The following BAP1 variants were observed in gnomAD, a reference collection of about 807,000 sequenced individuals.
The protein encoded by BAP1 is BRCA1 associated deubiquitinase 1.
A neutral mutation model predicts 77.2 loss-of-function variants in BAP1; 16 were observed. That is an observed-to-expected ratio of 0.21 (90% CI 0.14 to 0.31). The LOEUF (loss-of-function observed/expected upper bound fraction) is 0.31, where lower values mean the gene tolerates loss of function less well. Ranked by LOEUF, BAP1 falls within the 10% of genes least tolerant of loss-of-function variation. The probability of loss-of-function intolerance (pLI) is 1.00; values close to 1 mark genes in which losing one functional copy is unlikely to be tolerated. For synonymous variants in BAP1, 362 were observed against 385.2 expected, an observed-to-expected ratio of 0.94 and a Z score of 0.71; for missense variants, 699 against 967.3, an observed-to-expected ratio of 0.72 and a Z score of 3.68.
chr3:52,409,997 G>A lies in BAP1; in HGVS notation c.-119C>T, dbSNP rs1189697187. ...GTCCCACACACAGACAACGGGCCCA[G>A]TCGCGTCACCCGCCCGCGCCGGCGG... On this transcript the variant is annotated 5_prime_UTR_variant, in exon 1 of 17. Coordinates refer to ENST00000460680, the MANE Select transcript of BAP1 (RefSeq NM_004656.4). 1 of 1,441,508 alleles carries A rather than the reference G, an allele frequency of 6.9e-7. No homozygotes were observed. The highest frequency in any genetic ancestry group is 9.4e-7 in the Non-Finnish European group (1 of 1,068,690). 89.3% of individuals were successfully genotyped at this position (1,441,508 alleles called of 1,614,324 possible).
Position 52,404,476 on chromosome 3 carries a change from C to T in BAP1, c.1227G>A (p.Val409=), listed in dbSNP as rs201203425. 2 of 1,614,120 alleles carry T rather than the reference C, an allele frequency of 1.2e-6. No homozygotes were observed. Among genetic ancestry groups the T allele is most frequent in the East Asian group, 4.5e-5 (2 of 44,900 alleles). The change falls in exon 12 of 17, where the codon GTG becomes GTA. Residue 409 remains valine (V), a synonymous_variant. Transcript: ENST00000460680. The part of the protein sequence containing the change: ...DDYEDDEEDD[V]QNTNSALRYK... ...ACCTAAGGGCAGAGTTGGTGTTCTG[C>T]ACGTCATCCTCCTCGTCATCCTCAT...
chr3:52,403,170 C>T lies in BAP1; in HGVS notation c.1858G>A (p.Glu620Lys), dbSNP rs758585834. 14 of 1,613,916 alleles carry T rather than the reference C, an allele frequency of 8.7e-6. No individual in the cohort carries two copies. Among genetic ancestry groups the T allele is most frequent in the Admixed American group, 3.3e-5 (2 of 60,008 alleles). Residue 620 changes from glutamate to lysine, a missense_variant, in exon 14 of 17, where the codon GAG becomes AAG. Coordinates refer to ENST00000460680, the MANE Select transcript of BAP1 (RefSeq NM_004656.4). The surrounding 1 kb of genome is among the most constrained non-coding windows in gnomAD (Gnocchi z 4.0). ...REKTGMVRPGEPLSGEKYSPK... is the reference protein window; with the variant it reads ...REKTGMVRPGKPLSGEKYSPK... ...GAGTATTTCTCCCCACTCAAGGGCTCGCCAGGCCTCACCATCCCCGTCTTC... is the reference window on the plus strand; with the variant it reads ...GAGTATTTCTCCCCACTCAAGGGCTTGCCAGGCCTCACCATCCCCGTCTTC...
At chr3:52,407,883 G>A in intron 5 of BAP1, 75 bp downstream of exon 5, 2 of 1,602,462 alleles carry the variant, frequency 1.2e-6, no homozygotes, top group Non-Finnish European at 1.7e-6. Context: ...ATATCATGTG[G>A]TAGCATTCCC....
At chr3:52,404,797 G>C (rs983694005) in intron 11 of BAP1, among the ~76,000 whole-genome samples, 4 of 152,186 alleles carry the variant, frequency 2.6e-5, no homozygotes, top group Non-Finnish European at 5.9e-5. Flanking sequence ...GAGAAACAGA[G>C]TGCCCTGAAA....
In BAP1 at chr3:52,402,429, G is replaced by A. The variant is rs2153226123; in HGVS notation, c.2057-8C>T. On this transcript the variant is annotated splice_polypyrimidine_tract_variant and splice_region_variant and intron_variant, in intron 16 of 16. Transcript: ENST00000460680. This position sits in a 1 kb window ranked among gnomAD's most constrained non-coding sequence, Gnocchi z 5.3. Reference sequence around the variant, plus strand: ...CTAGGTTGGCCAGCATGCCTGCGAAGAGGTAGAGACCCTTGAGCAGGTGCT... The same window carrying A: ...CTAGGTTGGCCAGCATGCCTGCGAAAAGGTAGAGACCCTTGAGCAGGTGCT... The A allele has an allele frequency of 6.4e-7, 1 of 1,568,526 alleles. No individual in the cohort carries two copies.
rs773379358 is a variant in BAP1 at position 52,405,153 on chromosome 3, G to A, written c.1073C>T (p.Pro358Leu). The change falls in exon 11 of 17, where the codon CCG (proline) becomes CTG (leucine). Residue 358 changes from proline (P) to leucine (L), a missense_variant. Coordinates refer to ENST00000460680, the MANE Select transcript of BAP1 (RefSeq NM_004656.4). ...ATAATTGTGATTGTCTAGAAAGGCC[G>A]GCAGCCGCTGGACAATGGGAGTGGG... Reference protein sequence around the residue: ...PNPTPIVQRLPAFLDNHNYAK... With the variant: ...PNPTPIVQRLLAFLDNHNYAK... 10 of 1,614,000 alleles carry A rather than the reference G, an allele frequency of 6.2e-6. No individual in the cohort carries two copies. The highest frequency in any genetic ancestry group is 5.3e-5 in the African/African-American group (4 of 74,932).
rs1705167866 is a variant in BAP1, at chr3:52,406,614, C to T, written c.659+215G>A. The T allele has an allele frequency of 2.3e-6, 2 of 860,470 alleles. No homozygotes were observed. Among genetic ancestry groups the T allele is most frequent in the Admixed American group, 2.2e-5 (1 of 45,814 alleles). The allele number at this position is 860,470 out of a possible 1,614,324, so 53.3% of individuals were successfully genotyped here. A position where few individuals can be genotyped will look rare whatever the true frequency, so the allele number is the denominator to read the frequency against. ...AGCAGACCTGGGCTGCCTAAGGCTC[C>T]ACTGAGGCCTGCCCCTCCCCCAGCC... On this transcript the variant is annotated intron_variant, in intron 8 of 16. Transcript: ENST00000460680. The surrounding 1 kb of genome is among the most constrained non-coding windows in gnomAD (Gnocchi z 4.6).
chr3:52,403,405 C>T lies in BAP1; in HGVS notation c.1729+11G>A, dbSNP rs1559586367. The T allele has an allele frequency of 6.2e-7, 1 of 1,613,536 alleles. No individual in the cohort carries two copies. The highest frequency in any genetic ancestry group is 2.2e-5 in the East Asian group (1 of 44,888). Reference sequence around the variant, plus strand: ...TGCACCAAGTGGCCAGTGAGCCAGTCCAAGGCCCACCTGTCAGCGCCAGGG... The same window carrying T: ...TGCACCAAGTGGCCAGTGAGCCAGTTCAAGGCCCACCTGTCAGCGCCAGGG... On this transcript the variant is annotated intron_variant, in intron 13 of 16. Coordinates refer to ENST00000460680, the MANE Select transcript of BAP1 (RefSeq NM_004656.4). The surrounding 1 kb of genome is among the most constrained non-coding windows in gnomAD (Gnocchi z 4.0).
Position 52,401,954 on chromosome 3 carries a change from G to C in BAP1, c.*334C>G, listed in dbSNP as rs927507180. 2.4e-5 allele frequency: 11 copies of C among 452,172 alleles called. No homozygotes were observed. The highest frequency in any genetic ancestry group is 1.9e-4 in the African/African-American group (10 of 51,676). 28.0% of individuals were successfully genotyped at this position (452,172 alleles called of 1,614,324 possible). A position where few individuals can be genotyped will look rare whatever the true frequency, so the allele number is the denominator to read the frequency against. On this transcript the variant is annotated 3_prime_UTR_variant, in exon 17 of 17. Transcript: ENST00000460680. ...TGGTGGCATGTTGGGTTGGAGCCCA[G>C]AAAAATAGATGTCTCTGATAGGTAA...
Position 52,406,706 on chromosome 3 carries a change from A to G in BAP1, c.659+123T>C, listed in dbSNP as rs1320729304. 2 of 1,197,174 alleles carry G rather than the reference A, an allele frequency of 1.7e-6. No individual in the cohort carries two copies. 74.2% of individuals were successfully genotyped at this position (1,197,174 alleles called of 1,614,324 possible). A position where few individuals can be genotyped will look rare whatever the true frequency, so the allele number is the denominator to read the frequency against. ...ACAACAAGTTGAGAACCCATGATCT[A>G]AGCCTGATCTTGCCAGATTCACCAT... On this transcript the variant is annotated intron_variant, in intron 8 of 16. Coordinates refer to ENST00000460680, the MANE Select transcript of BAP1 (RefSeq NM_004656.4). This position sits in a 1 kb window ranked among gnomAD's most constrained non-coding sequence, Gnocchi z 4.6.
At position 52,401,123 on chromosome 3, in the gene BAP1, C is replaced by T. The variant is rs993193505; in HGVS notation, c.*1165G>A. ...CAGCTGCCACACTTGCCAGCACCCC[C>T]CACTCAGTCACTATGTACAGATAAA... On this transcript the variant is annotated 3_prime_UTR_variant, in exon 17 of 17. Transcript: ENST00000460680. 1.0e-4 allele frequency: 24 copies of T among 232,746 alleles called. No homozygotes were observed. Among genetic ancestry groups the T allele is most frequent in the African/African-American group, 5.1e-4 (23 of 45,422 alleles). 14.4% of individuals were successfully genotyped at this position (232,746 alleles called of 1,614,324 possible).
In BAP1 at chr3:52,405,722, G is replaced by C. The variant is rs191936598; in HGVS notation, c.931+43C>G. The C allele has an allele frequency of 1.9e-6, 3 of 1,610,628 alleles. No homozygotes were observed. The South Asian group carries it at 3.3e-5, about 18-fold the overall frequency. On this transcript the variant is annotated intron_variant, in intron 10 of 16. Coordinates refer to ENST00000460680, the MANE Select transcript of BAP1 (RefSeq NM_004656.4). ...TAGGCCTCCCATGTCAGACATTAGC[G>C]GGTGGCTCTGAGGTCCACAAGAGGT...
rs2153226382 is a variant in BAP1, at chr3:52,402,933, A to G, written c.1891-62T>C. ...GGCCAGCAACAAAGCCCCACGAGCA[A>G]TAGGCAGCTAGAGGCAAGGATGAGC... On this transcript the variant is annotated intron_variant, in intron 14 of 16. Transcript: ENST00000460680. The surrounding 1 kb of genome is among the most constrained non-coding windows in gnomAD (Gnocchi z 5.3). 1 of 1,612,096 alleles carries G rather than the reference A, an allele frequency of 6.2e-7. No individual in the cohort carries two copies. The highest frequency in any genetic ancestry group is 8.5e-7 in the Non-Finnish European group (1 of 1,179,996).
In BAP1 at chr3:52,403,497, C is replaced by T. The variant is rs2153226617; in HGVS notation, c.1648G>A (p.Val550Ile). 3.1e-6 allele frequency: 5 copies of T among 1,614,052 alleles called. No individual in the cohort carries two copies. Among genetic ancestry groups the T allele is most frequent in the Non-Finnish European group, 4.2e-6 (5 of 1,179,984 alleles). The change falls in exon 13 of 17, where the codon GTC becomes ATC. Residue 550 changes from valine (V) to isoleucine (I), a missense_variant. Coordinates refer to ENST00000460680, the MANE Select transcript of BAP1 (RefSeq NM_004656.4). This position sits in a 1 kb window ranked among gnomAD's most constrained non-coding sequence, Gnocchi z 4.0. ...CTGATGACAGGACCCAGATCACGGA[C>T]AGCACGGTTGTAGCGTATGCAGTCA... ...RVDCIRYNRAVRDLGPVISTG... is the reference protein window; with the variant it reads ...RVDCIRYNRAIRDLGPVISTG...
chr3:52,401,971 G>A lies in BAP1; in HGVS notation c.*317C>T. ...GGAGCCCAGAAAAATAGATGTCTCT[G>A]ATAGGTAAAATATATATTCTGCTGC... On this transcript the variant is annotated 3_prime_UTR_variant, in exon 17 of 17. Transcript: ENST00000460680. 1 of 493,710 alleles carries A rather than the reference G, an allele frequency of 2.0e-6. No individual in the cohort carries two copies. The highest frequency in any genetic ancestry group is 3.7e-6 in the Non-Finnish European group (1 of 273,436). 30.6% of individuals were successfully genotyped at this position (493,710 alleles called of 1,614,324 possible).
chr3:52,401,108 ACTTGCCAGCACCC>A lies in BAP1; in HGVS notation c.*1167_*1179del. 1 of 232,296 alleles carries A rather than the reference ACTTGCCAGCACCC, an allele frequency of 4.3e-6. No homozygotes were observed. The highest frequency in any genetic ancestry group is 8.5e-6 in the Non-Finnish European group (1 of 117,572). 14.4% of individuals were successfully genotyped at this position (232,296 alleles called of 1,614,324 possible). A position where few individuals can be genotyped will look rare whatever the true frequency, so the allele number is the denominator to read the frequency against. On this transcript the variant is annotated 3_prime_UTR_variant, in exon 17 of 17. Coordinates refer to ENST00000460680, the MANE Select transcript of BAP1 (RefSeq NM_004656.4). ...TGCTCAGCCCAGAGGCAGCTGCCAC[ACTTGCCAGCACCC>A]CCCACTCAGTCACTATGTACAGATA...
rs758996824 is a variant in BAP1 at position 52,403,787 on chromosome 3, T to C, written c.1358A>G (p.Lys453Arg). The C allele has an allele frequency of 1.1e-5, 18 of 1,613,940 alleles. No homozygotes were observed. The highest frequency in any genetic ancestry group is 3.3e-5 in the Admixed American group (2 of 60,002). ...NTINVLAEKL[K>R]ESQKDLSIPL... is the part of the protein sequence containing the mutation. ...AATTGAGAGGTCCTTCTGGGACTCT[T>C]TGAGCTTCTCAGCCAAGACGTTGAT... Residue 453 changes from lysine to arginine, a missense_variant, in exon 13 of 17, where the codon AAA becomes AGA. Lys to Arg is a conservative substitution (Grantham distance 26). This residue lies in a region of BAP1 where 475 missense variants were observed against 532.4 expected (regional missense o/e 0.89). Coordinates refer to ENST00000460680, the MANE Select transcript of BAP1 (RefSeq NM_004656.4). The surrounding 1 kb of genome is among the most constrained non-coding windows in gnomAD (Gnocchi z 4.0).
chr3:52,406,544 G>C lies in BAP1; in HGVS notation c.660-168C>G, dbSNP rs750032732. The C allele has an allele frequency of 2.1e-5, 23 of 1,100,608 alleles. No individual in the cohort carries two copies. Among genetic ancestry groups the C allele is most frequent in the Non-Finnish European group, 2.9e-5 (22 of 758,534 alleles). The allele number at this position is 1,100,608 out of a possible 1,614,324, so 68.2% of individuals were successfully genotyped here. On this transcript the variant is annotated intron_variant, in intron 8 of 16. Transcript: ENST00000460680. The surrounding 1 kb of genome is among the most constrained non-coding windows in gnomAD (Gnocchi z 4.6). ...CCATACATGCCAGGCACCTGAGCTG[G>C]TACCTTCCAACAAGCTGTATGAGGG...
rs1251862251 is a variant in BAP1 at position 52,403,400 on chromosome 3, C to T, written c.1729+16G>A. Reference sequence around the variant, plus strand: ...CTGGGTGCACCAAGTGGCCAGTGAGCCAGTCCAAGGCCCACCTGTCAGCGC... The same window carrying T: ...CTGGGTGCACCAAGTGGCCAGTGAGTCAGTCCAAGGCCCACCTGTCAGCGC... On this transcript the variant is annotated intron_variant, in intron 13 of 16. Transcript: ENST00000460680. The surrounding 1 kb of genome is among the most constrained non-coding windows in gnomAD (Gnocchi z 4.0). 1 of 1,613,144 alleles carries T rather than the reference C, an allele frequency of 6.2e-7. No individual in the cohort carries two copies. Among genetic ancestry groups the T allele is most frequent in the African/African-American group, 1.3e-5 (1 of 75,026 alleles).
Sources: gnomAD v4.1 joint callset for allele counts (sites outside exome capture counted in the v4.1 genomes callset) on GRCh38, gnomAD v4.1.1 for gene constraint, gnomAD v4.1.1 regional missense constraint, Gnocchi (gnomAD v3.1) non-coding constraint, MANE v1.5 for transcripts, NCBI Gene and HGNC (gene_info 2026-07-23, HGNC 2026-07-21) for gene names.